Variants in SYN2 observed in about 807,000 individuals in gnomAD.
SYN2 encodes the protein synapsin II, also known as synapsin-2.
Under a neutral mutation model 50.9 loss-of-function variants are expected in SYN2, and 19 were observed. That is an observed-to-expected ratio of 0.37 (90% CI 0.26 to 0.55). The LOEUF (loss-of-function observed/expected upper bound fraction) is 0.55, where lower values mean the gene tolerates loss of function less well. SYN2 is among the 20% of genes least tolerant of loss of function. SYN2 has a pLI of 0.81. For missense variants in SYN2, 587 were observed against 576.4 expected (o/e 1.02, Z -0.19); for synonymous variants, 255 against 224.9 (o/e 1.13, Z -1.20).
At chr3:12,073,754 G>A (rs1574924794) in intron 1 of SYN2, among the ~76,000 whole-genome samples, 2 of 152,018 alleles carry the variant, frequency 1.3e-5, no homozygotes, top group African/African-American at 4.8e-5. Flanking sequence ...TTTGTTGAGG[G>A]TGACTTTATG....
chr3:12,064,117 T>C (rs1337688918), intron 1 of SYN2, among the ~76,000 whole-genome samples: 1 of 152,082 alleles, frequency 6.6e-6, no homozygotes, highest in East Asian at 1.9e-4. Context: ...TTGATCTCTG[T>C]GGTCTTTTTT....
chr3:12,157,337 T>G (rs780903025), intron 5 of SYN2: 1 of 1,577,704 alleles, frequency 6.3e-7, no homozygotes. Flanking sequence ...AGACTCCACT[T>G]TCTCCATCAG....
At chr3:12,177,322 A>G (rs1224879182) in intron 10 of SYN2, among the ~76,000 whole-genome samples, 1 of 152,082 alleles carries the variant, frequency 6.6e-6, no homozygotes, top group African/African-American at 2.4e-5. Flanking sequence ...ATATTTTGCA[A>G]TTTTTTTAGC....
chr3:12,018,673 C>T (rs1396985552), intron 1 of SYN2, among the ~76,000 whole-genome samples: 1 of 152,162 alleles, frequency 6.6e-6, no homozygotes, highest in Admixed American at 6.5e-5. Context: ...CATGCCGTAA[C>T]AATTTGCTAT....
chr3:12,088,030 C>T (rs1268768464), intron 1 of SYN2, among the ~76,000 whole-genome samples: 3 of 151,970 alleles, frequency 2.0e-5, no homozygotes, highest in Admixed American at 1.3e-4. Flanking sequence ...GGACAGGACC[C>T]CAGAAGCGCA....
At chr3:12,104,348 A>G (rs558216989) in intron 1 of SYN2, among the ~76,000 whole-genome samples, 50 of 152,264 alleles carry the variant, frequency 3.3e-4, no homozygotes, top group African/African-American at 1.1e-3. Flanking sequence ...AGCAAAATTG[A>G]TAGGCCTACA....
intron 9 of SYN2, among the ~76,000 whole-genome samples, chr3:12,168,759 C>G (rs1320338698): frequency 1.3e-5 from 2 of 152,208 alleles, no homozygotes; most frequent in East Asian, 3.9e-4. Flanking sequence ...CCAACCTGCT[C>G]ATTTTACAGG....
chr3:12,163,784 A>G (rs1697715509), intron 7 of SYN2, among the ~76,000 whole-genome samples: 1 of 152,158 alleles, frequency 6.6e-6, no homozygotes, highest in Admixed American at 6.5e-5. Flanking sequence ...CTTTAGAAAT[A>G]TGCGCAATGT....
At chr3:12,108,596 G>C (rs766567585) in intron 1 of SYN2, among the ~76,000 whole-genome samples, 1 of 152,162 alleles carries the variant, frequency 6.6e-6, no homozygotes, top group East Asian at 1.9e-4. Flanking sequence ...TCCACCTCCG[G>C]TTCCATTCTT....
At position 12,054,358 on chromosome 3, in the gene SYN2, G is replaced by A. The variant is rs979243985; in HGVS notation, c.377+49430G>A. On this transcript the variant is annotated intron_variant, in intron 1 of 12. Coordinates refer to ENST00000621198, the MANE Select transcript of SYN2 (RefSeq NM_133625.6). ...GGGGGAAGCAAGATCCTACATAGTG[G>A]CACTTCATCTGAATCTGGGAGTTGT... Among the ~76,000 whole-genome samples the A allele has an allele frequency of 3.3e-5, 5 of 152,248 alleles. No individual in the cohort carries two copies. The East Asian group carries it at 9.7e-4, about 29-fold the overall frequency.
At chr3:12,053,281 C>G (rs1331328349) in intron 1 of SYN2, among the ~76,000 whole-genome samples, 2 of 151,986 alleles carry the variant, frequency 1.3e-5, no homozygotes, top group Non-Finnish European at 2.9e-5. Flanking sequence ...ATTAGCCAGG[C>G]ATGGTGGTGG....
At chr3:12,055,834 G>A (rs983130887) in intron 1 of SYN2, among the ~76,000 whole-genome samples, 2 of 152,168 alleles carry the variant, frequency 1.3e-5, no homozygotes, top group African/African-American at 2.4e-5. Context: ...GAGTATTACC[G>A]TTTTGCAACT....
chr3:12,129,905 G>A (rs868308644), intron 1 of SYN2, among the ~76,000 whole-genome samples: 10 of 152,058 alleles, frequency 6.6e-5, no homozygotes, highest in Middle Eastern at 3.2e-3. Context: ...TCATGAGAGC[G>A]GGGCCCTCAC....
At chr3:12,120,947 C>T (rs758153588) in intron 1 of SYN2, among the ~76,000 whole-genome samples, 13 of 152,180 alleles carry the variant, frequency 8.5e-5, no homozygotes, top group Non-Finnish European at 1.5e-4. Context: ...TCCAACCTTG[C>T]GCAATCCCCC....
Position 12,062,191 on chromosome 3 carries a change from A to G in SYN2, c.377+57263A>G, listed in dbSNP as rs190760762. Among the ~76,000 whole-genome samples the G allele has an allele frequency of 7.2e-5, 11 of 152,178 alleles. No homozygotes were observed. In the East Asian group the frequency reaches 1.3e-3, roughly 19 times the overall value. On this transcript the variant is annotated intron_variant, in intron 1 of 12. Coordinates refer to ENST00000621198, the MANE Select transcript of SYN2 (RefSeq NM_133625.6). Reference sequence around the variant, plus strand: ...TGAAACAATAGATCTATTTCAATCAATGGAACAGAGAGCCCAGAAATAGAC... The same window carrying G: ...TGAAACAATAGATCTATTTCAATCAGTGGAACAGAGAGCCCAGAAATAGAC...
chr3:12,084,473 C>G (rs1395494203), intron 1 of SYN2, among the ~76,000 whole-genome samples: 1 of 152,000 alleles, frequency 6.6e-6, no homozygotes, highest in Non-Finnish European at 1.5e-5. Flanking sequence ...CTTTCTCAGA[C>G]AAAAACTGAG....
At chr3:12,172,807 G>A (rs914883730) in intron 10 of SYN2, among the ~76,000 whole-genome samples, 9 of 152,166 alleles carry the variant, frequency 5.9e-5, no homozygotes, top group African/African-American at 2.2e-4. Flanking sequence ...AGAGTGTAGT[G>A]GTTACTTCTG....
chr3:12,013,235 T>C (rs1418085704), intron 1 of SYN2, among the ~76,000 whole-genome samples: 4 of 152,276 alleles, frequency 2.6e-5, no homozygotes, highest in Admixed American at 2.0e-4. Flanking sequence ...TCCCAAAGTG[T>C]CAAGATTACA....
chr3:12,142,276 C>T (rs1211932642), intron 3 of SYN2, among the ~76,000 whole-genome samples: 1 of 152,198 alleles, frequency 6.6e-6, no homozygotes, highest in Non-Finnish European at 1.5e-5. Context: ...TTTCCCCCAA[C>T]CCCTTCAGCC....
Sources: gnomAD v4.1 joint callset for allele counts (sites outside exome capture counted in the v4.1 genomes callset) on GRCh38, gnomAD v4.1.1 for gene constraint, MANE v1.5 for transcripts, NCBI Gene and HGNC (gene_info 2026-07-23, HGNC 2026-07-21) for gene names.